SHQ1: variants seen among roughly 807,000 people sequenced by gnomAD.
The protein encoded by SHQ1 is protein SHQ1 homolog.
SHQ1 carries 49 observed loss-of-function variants against 53.8 expected under a neutral mutation model. The ratio of observed to expected loss-of-function variants is 0.91; its 90% CI spans 0.72 to 1.16. The LOEUF (loss-of-function observed/expected upper bound fraction) is 1.16. SHQ1 is among the 50% of genes most tolerant of loss of function. The pLI is 0.00. For missense variants in SHQ1, 738 were observed against 683.1 expected, an observed-to-expected ratio of 1.08 and a Z score of -0.90; for synonymous variants, 243 against 251.0, an observed-to-expected ratio of 0.97 and a Z score of 0.30.
At position 72,750,335 on chromosome 3, in the gene SHQ1, T is replaced by C; in HGVS notation, c.1683A>G (p.Val561=). Residue 561 remains valine, a synonymous_variant, in exon 11 of 11, where the codon GTA becomes GTG. Coordinates refer to ENST00000325599, the MANE Select transcript of SHQ1 (RefSeq NM_018130.3). The part of the protein sequence containing the change: ...QVSEPKGTTA[V]NRSNIQERDG... ...CTCTCTCCTGAATATTGCTGCGGTT[T>C]ACAGCAGTGGTGCCCTTGGGTTCAG... 5 of 1,614,168 alleles carry C rather than the reference T, an allele frequency of 3.1e-6. No homozygotes were observed. The highest frequency in any genetic ancestry group is 4.2e-6 in the Non-Finnish European group (5 of 1,180,010).
chr3:72,791,734 T>C (rs1706444654), intron 10 of SHQ1, among the ~76,000 whole-genome samples: 1 of 151,998 alleles, frequency 6.6e-6, no homozygotes, highest in Admixed American at 6.6e-5. Context: ...TTTTTTTTAA[T>C]ACAGACAGGG....
At position 72,828,694 on chromosome 3, in the gene SHQ1, C is replaced by T. The variant is rs1707738151; in HGVS notation, c.599+3675G>A. 2.0e-5 allele frequency among the ~76,000 whole-genome samples: 3 copies of T among 150,626 alleles called. No individual in the cohort carries two copies. The South Asian group carries it at 6.3e-4, about 32-fold the overall frequency. ...TGGGCGACAGAGCAAGACTCTGTCTCAAAAAAAAGAGAGAGAAAAGCCGTG... is the reference window on the plus strand; with the variant it reads ...TGGGCGACAGAGCAAGACTCTGTCTTAAAAAAAAGAGAGAGAAAAGCCGTG... On this transcript the variant is annotated intron_variant, in intron 5 of 10. Transcript: ENST00000325599.
chr3:72,833,539 A>AT (rs1317298437), intron 4 of SHQ1, among the ~76,000 whole-genome samples: 1 of 69,058 alleles, frequency 1.4e-5, no homozygotes, highest in African/African-American at 1.0e-4. Context: ...ATAGACAGAT[A>AT]GATAGATAGA....
At chr3:72,772,775 CTGA>C (rs1032740869) in intron 10 of SHQ1, 22 of 758,374 alleles carry the variant, frequency 2.9e-5, no homozygotes, top group Non-Finnish European at 5.4e-5. Context: ...ATAAAAAGTC[CTGA>C]TGATGATCTT....
At chr3:72,813,634 G>A (rs1403183103) in intron 8 of SHQ1, among the ~76,000 whole-genome samples, 5 of 151,522 alleles carry the variant, frequency 3.3e-5, no homozygotes, top group Admixed American at 3.3e-4. Flanking sequence ...GGTGGCAGGT[G>A]CCTGTAGTCC....
At chr3:72,808,669 A>C (rs1707028839) in intron 9 of SHQ1, among the ~76,000 whole-genome samples, 1 of 152,144 alleles carries the variant, frequency 6.6e-6, no homozygotes, top group Non-Finnish European at 1.5e-5. Context: ...GCCAAACCAG[A>C]GCTACCTCTA....
At position 72,844,384 on chromosome 3, in the gene SHQ1, C is replaced by G. The variant is rs746186754; in HGVS notation, c.183G>C (p.Glu61Asp). The change falls in exon 2 of 11, where the codon GAG (glutamate) becomes GAC (aspartate). Residue 61 changes from glutamate (E) to aspartate (D), a missense_variant. Coordinates refer to ENST00000325599, the MANE Select transcript of SHQ1 (RefSeq NM_018130.3). ...LPGRIVENGS[E>D]QGSYDADKGI... is the part of the protein sequence containing the mutation. ...CTTTATCTGCATCATAGGACCCTTGCTCACTTCCATTTTCTACAATTCTTC... is the reference window on the plus strand; with the variant it reads ...CTTTATCTGCATCATAGGACCCTTGGTCACTTCCATTTTCTACAATTCTTC... 22 of 1,613,828 alleles carry G rather than the reference C, an allele frequency of 1.4e-5. 1 individual carries two copies. The South Asian group carries it at 2.4e-4, about 18-fold the overall frequency.
intron 4 of SHQ1, 82 bp downstream of exon 4, chr3:72,840,963 T>C: frequency 6.8e-7 from 1 of 1,464,378 alleles, no homozygotes; most frequent in South Asian, 1.4e-5. Context: ...TTTTAAAAAC[T>C]ACCAAGTGTA....
At chr3:72,737,716 G>C in the SHQ1 span, among the ~76,000 whole-genome samples, 2 of 152,104 alleles carry the variant, frequency 1.3e-5, no homozygotes, top group African/African-American at 4.8e-5. Flanking sequence ...AGGGAATAAT[G>C]ACACGAAAAA....
At chr3:72,839,758 G>A (rs1479800690) in intron 4 of SHQ1, among the ~76,000 whole-genome samples, 1 of 151,988 alleles carries the variant, frequency 6.6e-6, no homozygotes, top group African/African-American at 2.4e-5. Flanking sequence ...AACAGGTTTT[G>A]TTTTGTTGTG....
chr3:72,818,496 A>T (rs1020444171), intron 6 of SHQ1, among the ~76,000 whole-genome samples: 1 of 152,208 alleles, frequency 6.6e-6, no homozygotes, highest in African/African-American at 2.4e-5. Flanking sequence ...CCTTTCTCAC[A>T]GTCATGAATA....
At chr3:72,772,411 C>A in intron 10 of SHQ1, 4 of 356,384 alleles carry the variant, frequency 1.1e-5, no homozygotes, top group Non-Finnish European at 2.1e-5. Flanking sequence ...GGCAAACCAT[C>A]AAGAACTTCT....
chr3:72,730,990 C>T, the SHQ1 span, among the ~76,000 whole-genome samples: 1 of 142,208 alleles, frequency 7.0e-6, no homozygotes, highest in Non-Finnish European at 1.5e-5. Context: ...ATTGACTAGG[C>T]TTGAGACACC....
chr3:72,746,648 G>T (rs1575670093), downstream of SHQ1, among the ~76,000 whole-genome samples: 1 of 152,166 alleles, frequency 6.6e-6, no homozygotes, highest in Non-Finnish European at 1.5e-5. Context: ...GAGGATGTCC[G>T]GGAAGGATCA....
chr3:72,784,642 G>A (rs769695108), intron 10 of SHQ1, among the ~76,000 whole-genome samples: 6 of 152,142 alleles, frequency 3.9e-5, no homozygotes, highest in Non-Finnish European at 7.3e-5. Flanking sequence ...TTGAAATTAC[G>A]CACAATTGTT....
chr3:72,777,031 T>G (rs773374240), intron 10 of SHQ1, among the ~76,000 whole-genome samples: 2 of 152,180 alleles, frequency 1.3e-5, no homozygotes, highest in Non-Finnish European at 2.9e-5. Flanking sequence ...GATCCCCTAT[T>G]GCATAACATA....
intron 8 of SHQ1, among the ~76,000 whole-genome samples, chr3:72,814,170 G>C (rs1040277082): frequency 6.6e-6 from 1 of 152,032 alleles, no homozygotes. Context: ...AGAGAATTAG[G>C]AACTTAAAAA....
intron 4 of SHQ1, among the ~76,000 whole-genome samples, chr3:72,835,711 A>T (rs1575735609): frequency 6.6e-6 from 1 of 152,194 alleles, no homozygotes; most frequent in Non-Finnish European, 1.5e-5. Flanking sequence ...TGGCTCAAAT[A>T]CGCTCAAGCC....
At chr3:72,840,038 G>A (rs760042074) in intron 4 of SHQ1, among the ~76,000 whole-genome samples, 7 of 152,018 alleles carry the variant, frequency 4.6e-5, no homozygotes, top group Admixed American at 2.6e-4. Context: ...GGGATTACAC[G>A]CACCACCACA....
Sources: allele counts gnomAD v4.1 joint callset (sites outside exome capture counted in the v4.1 genomes callset), GRCh38; gene constraint gnomAD v4.1.1; transcripts MANE v1.5; gene names NCBI Gene and HGNC (gene_info 2026-07-23, HGNC 2026-07-21).